Variants in RBFOX1 observed in about 807,000 individuals in gnomAD.
RBFOX1 encodes RNA binding protein fox-1 homolog 1.
In RBFOX1, 8 loss-of-function variants were observed where a neutral mutation model predicts 57.7. The ratio of observed to expected loss-of-function variants is 0.14; its 90% CI spans 0.08 to 0.25. The LOEUF is 0.25. Ranked by LOEUF, RBFOX1 falls within the 10% of genes least tolerant of loss-of-function variation. The pLI is 1.00. For missense variants in RBFOX1, 611 were observed against 548.5 expected, an observed-to-expected ratio of 1.11 and a Z score of -1.14; for synonymous variants, 326 against 222.4, an observed-to-expected ratio of 1.47 and a Z score of -4.15.
intron 14 of RBFOX1, among the ~76,000 whole-genome samples, chr16:7,677,812 G>A (rs2073781737): frequency 6.6e-6 from 1 of 152,148 alleles, no homozygotes; most frequent in African/African-American, 2.4e-5. Flanking sequence ...GGGGCATGCT[G>A]GGTCAGACAG....
intron 4 of RBFOX1, among the ~76,000 whole-genome samples, chr16:5,982,530 C>T (rs942513421): frequency 6.6e-6 from 1 of 152,184 alleles, no homozygotes; most frequent in Non-Finnish European, 1.5e-5. Flanking sequence ...CCTTCCCCAG[C>T]CTCCCAAAGT....
Position 6,626,403 on chromosome 16 carries a change from C to T in RBFOX1, c.-63-28200C>T, listed in dbSNP as rs1354868513. 2.6e-5 allele frequency among the ~76,000 whole-genome samples: 4 copies of T among 152,116 alleles called. No homozygotes were observed. The East Asian group carries it at 7.7e-4, about 29-fold the overall frequency. ...TCGGGAGGGCTGATTCATCATTCTTCCTCCTTTGCTGTGGATTCTCAACCA... is the reference window on the plus strand; with the variant it reads ...TCGGGAGGGCTGATTCATCATTCTTTCTCCTTTGCTGTGGATTCTCAACCA... On this transcript the variant is annotated intron_variant, in intron 2 of 15. Coordinates refer to ENST00000550418, the MANE Select transcript of RBFOX1 (RefSeq NM_018723.4).
intron 2 of RBFOX1, among the ~76,000 whole-genome samples, chr16:5,469,522 T>A (rs1321869611): frequency 6.6e-6 from 1 of 152,246 alleles, no homozygotes; most frequent in Non-Finnish European, 1.5e-5. Flanking sequence ...GAAATTCATA[T>A]AACATGAAGT....
chr16:6,800,335 G>A (rs1410088802), intron 3 of RBFOX1, among the ~76,000 whole-genome samples: 1 of 152,134 alleles, frequency 6.6e-6, no homozygotes, highest in Admixed American at 6.5e-5. Context: ...CCAAAAGTCA[G>A]GGCTACCTAT....
chr16:6,515,868 C>A (rs1182393256), intron 2 of RBFOX1, among the ~76,000 whole-genome samples: 1 of 152,210 alleles, frequency 6.6e-6, no homozygotes, highest in African/African-American at 2.4e-5. Flanking sequence ...TATCCTTTAA[C>A]ACCTAGCTCA....
At chr16:5,457,914 C>CTATAT (rs2068678780) in intron 1 of RBFOX1, among the ~76,000 whole-genome samples, 2 of 152,108 alleles carry the variant, frequency 1.3e-5, no homozygotes, top group African/African-American at 2.4e-5. Context: ...TATGAATAAA[C>CTATAT]GAAAGCCATG....
rs563663294 is a variant in RBFOX1 at position 5,901,354 on chromosome 16, C to G, written c.351+34019C>G. ...TTACCTTTTATAATTCACCTTGCACCCTGTAGCTGGCGATGACTTCCCAGA... is the reference window on the plus strand; with the variant it reads ...TTACCTTTTATAATTCACCTTGCACGCTGTAGCTGGCGATGACTTCCCAGA... On this transcript the variant is annotated intron_variant, in intron 4 of 19. Transcript: ENST00000641259. Among the ~76,000 whole-genome samples the G allele has an allele frequency of 6.6e-5, 10 of 152,248 alleles. 1 individual carries two copies. The South Asian group carries it at 2.1e-3, about 32-fold the overall frequency.
rs1003023615 is a variant in RBFOX1 at position 7,204,775 on chromosome 16, C to T, written c.27+152677C>T. Among the ~76,000 whole-genome samples, 4 of 152,278 alleles carry T rather than the reference C, an allele frequency of 2.6e-5. No individual in the cohort carries two copies. The East Asian group carries it at 5.8e-4, about 22-fold the overall frequency. On this transcript the variant is annotated intron_variant, in intron 4 of 15. Coordinates refer to ENST00000550418, the MANE Select transcript of RBFOX1 (RefSeq NM_018723.4). Reference sequence around the variant, plus strand: ...TCTCCCCCTCTCCCCAATCCTTTCTCTTTTCCTTCTTTTCTCCCTTAATGC... The same window carrying T: ...TCTCCCCCTCTCCCCAATCCTTTCTTTTTTCCTTCTTTTCTCCCTTAATGC...
intron 3 of RBFOX1, among the ~76,000 whole-genome samples, chr16:6,960,029 C>T (rs2082636720): frequency 6.6e-6 from 1 of 152,142 alleles, no homozygotes; most frequent in South Asian, 2.1e-4. Context: ...TTGCCTAGGC[C>T]TTTCCTAGGC....
chr16:5,434,675 G>A (rs536848641), intron 1 of RBFOX1, among the ~76,000 whole-genome samples: 6 of 152,156 alleles, frequency 3.9e-5, no homozygotes, highest in Admixed American at 3.3e-4. Context: ...TTATTTCTTC[G>A]TTATCTGTTT....
chr16:6,259,259 T>C (rs1216435268), intron 1 of RBFOX1, among the ~76,000 whole-genome samples: 1 of 152,130 alleles, frequency 6.6e-6, no homozygotes, highest in Non-Finnish European at 1.5e-5. Context: ...ATTATTCCTT[T>C]ACTTTTGCTT....
intron 3 of RBFOX1, among the ~76,000 whole-genome samples, chr16:6,959,362 A>G (rs986910740): frequency 2.6e-5 from 4 of 152,198 alleles, no homozygotes; most frequent in Admixed American, 2.6e-4. Context: ...TAACCGTCAC[A>G]TTTGAATGGA....
At chr16:5,540,689 C>G (rs914414258) in intron 2 of RBFOX1, among the ~76,000 whole-genome samples, 5 of 152,162 alleles carry the variant, frequency 3.3e-5, no homozygotes, top group African/African-American at 1.2e-4. Flanking sequence ...ATCTCTGGCA[C>G]TGACATCACG....
chr16:6,483,597 GGA>G, intron 2 of RBFOX1: 1 of 1,530,452 alleles, frequency 6.5e-7, no homozygotes, highest in Admixed American at 2.0e-5. Flanking sequence ...AGAGAAAGAG[GGA>G]GAGAGGGAGG....
intron 3 of RBFOX1, among the ~76,000 whole-genome samples, chr16:5,608,831 A>G (rs903450817): frequency 2.0e-5 from 3 of 152,132 alleles, no homozygotes; most frequent in African/African-American, 7.2e-5. Flanking sequence ...TGGTTTCACA[A>G]AGCCTGTTGG....
intron 3 of RBFOX1, among the ~76,000 whole-genome samples, chr16:6,782,504 A>T (rs545631229): frequency 6.6e-6 from 1 of 151,918 alleles, no homozygotes; most frequent in Non-Finnish European, 1.5e-5. Flanking sequence ...TCATGGTTCA[A>T]TCTTGGTAGG....
chr16:5,246,018 C>T (rs772529155), intron 1 of RBFOX1, among the ~76,000 whole-genome samples: 22 of 152,140 alleles, frequency 1.4e-4, no homozygotes, highest in Non-Finnish European at 3.1e-4. Flanking sequence ...CCGAGGCCGT[C>T]GGATCACCCA....
chr16:7,246,656 T>A (rs1009602306), intron 4 of RBFOX1, among the ~76,000 whole-genome samples: 10 of 104,962 alleles, frequency 9.5e-5, no homozygotes, highest in African/African-American at 1.4e-4. Flanking sequence ...TTTTTTTTTT[T>A]ACTGAGTTTG....
At chr16:5,546,567 A>G (rs1308368704) in intron 2 of RBFOX1, among the ~76,000 whole-genome samples, 1 of 152,192 alleles carries the variant, frequency 6.6e-6, no homozygotes, top group Non-Finnish European at 1.5e-5. Context: ...GTGCAAACAA[A>G]TGAATTCCAA....
Sources: allele counts gnomAD v4.1 joint callset (sites outside exome capture counted in the v4.1 genomes callset), GRCh38; gene constraint gnomAD v4.1.1; transcripts MANE v1.5; gene names NCBI Gene and HGNC (gene_info 2026-07-23, HGNC 2026-07-21).